Variants in AKAP9 observed in about 807,000 individuals in gnomAD.
AKAP9 encodes A-kinase anchor protein 9.
AKAP9 carries 311 observed loss-of-function variants against 488.5 expected under a neutral mutation model. The ratio of observed to expected loss-of-function variants is 0.64; its 90% CI spans 0.58 to 0.70. The LOEUF (loss-of-function observed/expected upper bound fraction) is 0.70. AKAP9 is among the 30% of genes least tolerant of loss of function. The pLI, the probability that AKAP9 is intolerant of heterozygous loss-of-function variation, is 0.00. For synonymous variants in AKAP9, 1,462 were observed against 1,483.5 expected, an observed-to-expected ratio of 0.99 and a Z score of 0.33; for missense variants, 4,215 against 4,374.5, an observed-to-expected ratio of 0.96 and a Z score of 1.03.
At chr7:91,979,206 T>C (rs997685701) in intron 2 of AKAP9, among the ~76,000 whole-genome samples, 59 of 152,042 alleles carry the variant, frequency 3.9e-4, no homozygotes, top group African/African-American at 1.4e-3. Flanking sequence ...GGAGACTAGG[T>C]CATTTATAAA....
chr7:92,026,428 G>A (rs1028884287), intron 14 of AKAP9, among the ~76,000 whole-genome samples: 7 of 151,754 alleles, frequency 4.6e-5, no homozygotes, highest in Admixed American at 1.3e-4. Flanking sequence ...TCCCTGCCTC[G>A]GGCTCCCGTG....
At chr7:92,101,194 T>C (rs1439751636) in intron 45 of AKAP9, 138 bp downstream of exon 45, 4 of 786,842 alleles carry the variant, frequency 5.1e-6, no homozygotes, top group Non-Finnish European at 5.9e-6. Flanking sequence ...CCCAGCACTT[T>C]GGGAGGCCGA....
At chr7:92,025,589 T>A (rs1463527541) in intron 14 of AKAP9, among the ~76,000 whole-genome samples, 1 of 152,240 alleles carries the variant, frequency 6.6e-6, no homozygotes, top group Non-Finnish European at 1.5e-5. Flanking sequence ...AACAAATATT[T>A]GGTGATTTCA....
chr7:92,014,946 A>G (rs1370293096), intron 10 of AKAP9, among the ~76,000 whole-genome samples: 1 of 152,208 alleles, frequency 6.6e-6, no homozygotes, highest in Admixed American at 6.5e-5. Flanking sequence ...GAGCCAAAAC[A>G]CTAAGATGGC....
At chr7:91,950,714 C>T (rs575305382) in intron 1 of AKAP9, among the ~76,000 whole-genome samples, 2 of 152,192 alleles carry the variant, frequency 1.3e-5, no homozygotes, top group East Asian at 3.9e-4. Flanking sequence ...AATTCTTACG[C>T]CGTTTATATC....
chr7:92,083,463 T>G lies in AKAP9; in HGVS notation c.8454T>G (p.Thr2818=). 1 of 1,613,858 alleles carries G rather than the reference T, an allele frequency of 6.2e-7. No homozygotes were observed. Among genetic ancestry groups the G allele is most frequent in the Non-Finnish European group, 8.5e-7 (1 of 1,179,898 alleles). ...LQSECSSEEV[T]EIISQFTEKI... is the part of the protein sequence containing the mutation. The stretch of plus-strand genomic sequence containing the variant: ...GTGAATGTTCCTCAGAAGAAGTTAC[T>G]GAAATAATCAGTCAGTTTACTGAAA... Residue 2818 remains threonine, a synonymous_variant, in exon 33 of 50, where the codon ACT becomes ACG. Coordinates refer to ENST00000356239, the MANE Select transcript of AKAP9 (RefSeq NM_005751.5).
At position 91,940,958 on chromosome 7, in the gene AKAP9, C is replaced by A; in HGVS notation, c.-142C>A. On this transcript the variant is annotated 5_prime_UTR_variant, in exon 1 of 50. Transcript: ENST00000356239. ...CGCCAGTGAGCGCGGAGACTGCTTC[C>A]ACTTCGGGCGGGGGAGCGCCGGACC... 1.2e-6 allele frequency: 1 copy of A among 867,970 alleles called. No individual in the cohort carries two copies. The highest frequency in any genetic ancestry group is 1.4e-5 in the South Asian group (1 of 71,846). The allele number at this position is 867,970 out of a possible 1,614,324, so 53.8% of individuals were successfully genotyped here. A position where few individuals can be genotyped will look rare whatever the true frequency, so the allele number is the denominator to read the frequency against.
At chr7:91,985,792 C>T (rs1287701576) in intron 3 of AKAP9, among the ~76,000 whole-genome samples, 2 of 152,060 alleles carry the variant, frequency 1.3e-5, no homozygotes, top group Non-Finnish European at 2.9e-5. Context: ...GGACTACAGG[C>T]GCGTGCCACC....
rs67203467 is a variant in AKAP9 at position 92,102,488 on chromosome 7, T to TACC, written c.11098-91_11098-89dup. ...CTACTACTACTACTACTACTACTAC[T>TACC]ACCACCACCACCACCACTACTTGTT... On this transcript the variant is annotated intron_variant, in intron 45 of 49. Coordinates refer to ENST00000356239, the MANE Select transcript of AKAP9 (RefSeq NM_005751.5). 3,154 of 540,404 alleles carry TACC rather than the reference T, an allele frequency of 5.8e-3. 57 individuals carry two copies. Among genetic ancestry groups the TACC allele is most frequent in the African/African-American group, 0.047 (1,992 of 42,230 alleles). 33.5% of individuals were successfully genotyped at this position (540,404 alleles called of 1,614,324 possible).
intron 12 of AKAP9, among the ~76,000 whole-genome samples, chr7:92,019,244 C>G (rs943812324): frequency 1.3e-5 from 2 of 151,648 alleles, no homozygotes; most frequent in African/African-American, 2.4e-5. Context: ...CAGGTTCAAG[C>G]GATTCTCCTG....
At chr7:92,004,076 T>G (rs1799502773) in intron 8 of AKAP9, among the ~76,000 whole-genome samples, 3 of 152,306 alleles carry the variant, frequency 2.0e-5, no homozygotes, top group Admixed American at 2.0e-4. Context: ...GAAATAGTGA[T>G]AAATTCTCTG....
intron 47 of AKAP9, among the ~76,000 whole-genome samples, chr7:92,106,874 T>C (rs1818587850): frequency 6.6e-6 from 1 of 152,202 alleles, no homozygotes; most frequent in Admixed American, 6.5e-5. Flanking sequence ...ATAAGTTGTG[T>C]TTTATTAAAA....
At position 92,107,334 on chromosome 7, in the gene AKAP9, C is replaced by A. The variant is rs1415354644; in HGVS notation, c.11458C>A (p.Leu3820Met). The A allele has an allele frequency of 6.2e-7, 1 of 1,613,630 alleles. No homozygotes were observed. The highest frequency in any genetic ancestry group is 1.3e-5 in the African/African-American group (1 of 74,818). ...TDSFYHSSGG[L>M]ELYGEPRHTT... ...CTCATTTTATCATTCTTCTGGTGGG[C>A]TGGAGTTATATGGAGAACCAAGACA... Residue 3820 changes from leucine (L) to methionine (M), a missense_variant, in exon 48 of 50, where the codon CTG becomes ATG. Physicochemically the swap from Leu to Met is conservative, Grantham distance 15 (BLOSUM62 2). Around this residue, in one of 5 missense-constraint regions of AKAP9, gnomAD observed 253 missense variants for 266.8 expected, o/e 0.95. Coordinates refer to ENST00000356239, the MANE Select transcript of AKAP9 (RefSeq NM_005751.5).
Position 92,001,859 on chromosome 7 carries a change from CA to C in AKAP9, c.1943del (p.His648LeufsTer3). 2 of 1,613,188 alleles carry C rather than the reference CA, an allele frequency of 1.2e-6. No individual in the cohort carries two copies. The highest frequency in any genetic ancestry group is 1.7e-6 in the Non-Finnish European group (2 of 1,179,448). On this transcript the variant is annotated frameshift_variant, in exon 8 of 50. Transcript: ENST00000356239. LOFTEE classifies it high-confidence loss of function. The stretch of plus-strand genomic sequence containing the variant: ...ACTGAAGGAAGATTTAGAAATTGAA[CA>C]TCGAATAAATATTGAAAAACTTAAA... ...SKLKEDLEIE[H>X]RINIEKLKDN...
intron 19 of AKAP9, 139 bp downstream of exon 19, chr7:92,042,325 G>A: frequency 8.7e-7 from 1 of 1,149,936 alleles, no homozygotes; most frequent in Non-Finnish European, 1.3e-6. Context: ...TGTAAGGTAG[G>A]TGGAGTCAAA....
chr7:92,110,058 G>T (rs374260635), intron 49 of AKAP9, 64 bp from the exon 50 acceptor site: 3 of 1,207,166 alleles, frequency 2.5e-6, no homozygotes. Context: ...GTGAACTCTG[G>T]TGGGTCTGAT....
At chr7:92,063,589 T>C (rs1810268138) in intron 24 of AKAP9, 1 of 666,724 alleles carries the variant, frequency 1.5e-6, no homozygotes, top group South Asian at 6.7e-5. Context: ...CCAACTAACA[T>C]CTCTAGTTTT....
intron 6 of AKAP9, 80 bp from the exon 7 acceptor site, chr7:91,995,523 G>T (rs906661377): frequency 1.5e-5 from 20 of 1,290,758 alleles, no homozygotes; most frequent in East Asian, 2.4e-5. Flanking sequence ...GAGAGCTATT[G>T]CAGGGACACC....
chr7:91,994,277 T>C (rs533082277), intron 5 of AKAP9, among the ~76,000 whole-genome samples: 1 of 152,226 alleles, frequency 6.6e-6, no homozygotes, highest in East Asian at 1.9e-4. Context: ...ATGACAAAAA[T>C]ACATATCAGT....
Sources: allele counts gnomAD v4.1 joint callset (sites outside exome capture counted in the v4.1 genomes callset), GRCh38; gene constraint gnomAD v4.1.1; regional missense constraint gnomAD v4.1.1; transcripts MANE v1.5; gene names NCBI Gene and HGNC (gene_info 2026-07-23, HGNC 2026-07-21).